MACROD2: variants seen among roughly 807,000 people sequenced by gnomAD.
MACROD2 encodes ADP-ribose glycohydrolase MACROD2.
MACROD2 carries 36 observed loss-of-function variants against 70.4 expected under a neutral mutation model. The ratio of observed to expected loss-of-function variants is 0.51; its 90% CI spans 0.39 to 0.68. MACROD2 has a LOEUF of 0.68. Ranked by LOEUF, MACROD2 falls within the 30% of genes least tolerant of loss-of-function variation. The pLI is 0.00. For missense variants in MACROD2, 496 were observed against 538.4 expected (o/e 0.92, Z 0.78); for synonymous variants, 172 against 178.8 (o/e 0.96, Z 0.30).
chr20:15,274,193 G>A (rs1443774024), intron 6 of MACROD2, among the ~76,000 whole-genome samples: 1 of 152,184 alleles, frequency 6.6e-6, no homozygotes, highest in Non-Finnish European at 1.5e-5. Flanking sequence ...ACTAAGATAA[G>A]ACTGGAATAC....
chr20:14,635,179 A>G (rs190616928), intron 4 of MACROD2, among the ~76,000 whole-genome samples: 2 of 152,330 alleles, frequency 1.3e-5, no homozygotes, highest in South Asian at 2.1e-4. Context: ...TCAGTGTTGA[A>G]TTATTTCCGT....
At chr20:15,673,895 A>G (rs956416877) in intron 8 of MACROD2, among the ~76,000 whole-genome samples, 40 of 152,212 alleles carry the variant, frequency 2.6e-4, no homozygotes, top group Non-Finnish European at 3.7e-4. Flanking sequence ...AACCATGGCT[A>G]TTGGGTATGA....
intron 8 of MACROD2, among the ~76,000 whole-genome samples, chr20:15,726,563 C>T (rs892699732): frequency 6.6e-6 from 1 of 152,138 alleles, no homozygotes; most frequent in Admixed American, 6.5e-5. Context: ...TATAAGCATT[C>T]TCTTTTTTCT....
chr20:14,767,526 T>C (rs2072106922), intron 5 of MACROD2, among the ~76,000 whole-genome samples: 1 of 152,004 alleles, frequency 6.6e-6, no homozygotes. Flanking sequence ...TGGGTTTGAC[T>C]CAGATTCCAC....
intron 5 of MACROD2, among the ~76,000 whole-genome samples, chr20:14,965,933 A>C (rs1319745833): frequency 6.6e-6 from 1 of 152,132 alleles, no homozygotes. Context: ...TACAGAGCAA[A>C]TTATGGTGCA....
At position 15,207,436 on chromosome 20, in the gene MACROD2, G is replaced by GTTTTT. The variant is rs548522491; in HGVS notation, c.419-22487_419-22483dup. On this transcript the variant is annotated intron_variant, in intron 5 of 17. Transcript: ENST00000684519. ...TCTTTTGTTTGTTTGTTTGTTTCTG[G>GTTTTT]TTTTTTTTTTTTTTTTTTTTTCAGA... is the stretch of plus-strand genomic sequence containing the variant. Among the ~76,000 whole-genome samples the GTTTTT allele has an allele frequency of 6.2e-3, 523 of 84,536 alleles. 68 individuals are homozygous for GTTTTT. The highest frequency in any genetic ancestry group is 0.026 in the African/African-American group (457 of 17,820). 55.5% of individuals were successfully genotyped at this position (84,536 alleles called of 152,430 possible).
intron 2 of MACROD2, among the ~76,000 whole-genome samples, chr20:14,008,664 A>C: frequency 6.6e-6 from 1 of 152,214 alleles, no homozygotes; most frequent in South Asian, 2.1e-4. Context: ...TAGCCAAGAC[A>C]GTCCTAAGCA....
chr20:14,546,452 AT>A (rs1490536159), intron 4 of MACROD2, among the ~76,000 whole-genome samples: 2 of 152,168 alleles, frequency 1.3e-5, no homozygotes, highest in African/African-American at 4.8e-5. Flanking sequence ...TTCTCTTAAT[AT>A]TTTGACTGGT....
intron 3 of MACROD2, among the ~76,000 whole-genome samples, chr20:14,260,669 A>C (rs1300243835): frequency 6.6e-6 from 1 of 152,192 alleles, no homozygotes; most frequent in Non-Finnish European, 1.5e-5. Flanking sequence ...AGACTGCCTG[A>C]GTTTAAATCA....
intron 3 of MACROD2, chr20:14,352,307 G>C (rs1456820864): frequency 6.6e-6 from 1 of 152,076 alleles, no homozygotes; most frequent in African/African-American, 2.4e-5. Context: ...AGCAAGTTTT[G>C]ATAAAAATAC....
At chr20:15,721,617 A>G (rs1184124064) in intron 8 of MACROD2, among the ~76,000 whole-genome samples, 3 of 152,182 alleles carry the variant, frequency 2.0e-5, no homozygotes, top group Non-Finnish European at 2.9e-5. Context: ...AATGTAAATA[A>G]TCATTTTTAA....
intron 3 of MACROD2, among the ~76,000 whole-genome samples, chr20:14,448,083 T>C (rs1409368764): frequency 6.6e-6 from 1 of 151,640 alleles, no homozygotes; most frequent in African/African-American, 2.4e-5. Context: ...GAAGCCATTT[T>C]ACAATAGTAT....
At chr20:14,985,293 T>C (rs1241524530) in intron 5 of MACROD2, among the ~76,000 whole-genome samples, 2 of 152,338 alleles carry the variant, frequency 1.3e-5, no homozygotes, top group African/African-American at 2.4e-5. Flanking sequence ...TCCTGAACTT[T>C]GCCTCTTGAA....
chr20:14,348,031 G>A (rs1051335168), intron 3 of MACROD2, among the ~76,000 whole-genome samples: 1 of 152,128 alleles, frequency 6.6e-6, no homozygotes, highest in African/African-American at 2.4e-5. Flanking sequence ...GGAGGCTGAG[G>A]CAGGTGGATC....
At chr20:14,664,522 T>A (rs1306706024) in intron 4 of MACROD2, among the ~76,000 whole-genome samples, 1 of 152,090 alleles carries the variant, frequency 6.6e-6, no homozygotes, top group Non-Finnish European at 1.5e-5. Flanking sequence ...TGGACCATTA[T>A]CAACACGTTA....
chr20:15,465,708 G>A (rs1331254822), intron 7 of MACROD2, among the ~76,000 whole-genome samples: 1 of 152,174 alleles, frequency 6.6e-6, no homozygotes, highest in African/African-American at 2.4e-5. Context: ...ATGTGGCTGG[G>A]GCTCCACAAG....
chr20:15,933,432 C>A, intron 11 of MACROD2, 94 bp downstream of exon 11: 1 of 1,171,466 alleles, frequency 8.5e-7, no homozygotes, highest in Non-Finnish European at 1.2e-6. Context: ...AATGCTTATA[C>A]ATTTCACCAG....
intron 8 of MACROD2, among the ~76,000 whole-genome samples, chr20:15,782,278 T>C (rs1168648539): frequency 6.6e-6 from 1 of 152,136 alleles, no homozygotes; most frequent in Non-Finnish European, 1.5e-5. Context: ...CTGTTGCTGT[T>C]TAACAATCCA....
chr20:15,942,751 T>G (rs887992489), intron 12 of MACROD2, among the ~76,000 whole-genome samples: 1 of 152,134 alleles, frequency 6.6e-6, no homozygotes, highest in Non-Finnish European at 1.5e-5. Flanking sequence ...CTGTTCTAGT[T>G]TTTTCAACAC....
Sources: allele counts gnomAD v4.1 joint callset (sites outside exome capture counted in the v4.1 genomes callset), GRCh38; gene constraint gnomAD v4.1.1; transcripts MANE v1.5; gene names NCBI Gene and HGNC (gene_info 2026-07-23, HGNC 2026-07-21).